Variants in GALNT15 observed in about 807,000 individuals in gnomAD.
The protein encoded by GALNT15 is UDP-GalNAc transferase T15.
A neutral mutation model predicts 66.8 loss-of-function variants in GALNT15; 67 were observed. The observed-to-expected ratio is 1.00, with a 90% CI of 0.82 to 1.23. GALNT15 has a LOEUF of 1.23. GALNT15 is among the 50% of genes most tolerant of loss of function. The probability of loss-of-function intolerance (pLI) is 0.00; values close to 1 mark genes in which losing one functional copy is unlikely to be tolerated. For missense variants in GALNT15, 827 were observed against 804.3 expected, an observed-to-expected ratio of 1.03 and a Z score of -0.34; for synonymous variants, 313 against 311.5, an observed-to-expected ratio of 1.00 and a Z score of -0.05.
chr3:16,180,866 A>G lies in GALNT15; in HGVS notation c.539+5176A>G, dbSNP rs963390456. 2.0e-5 allele frequency among the ~76,000 whole-genome samples: 3 copies of G among 152,224 alleles called. No individual in the cohort carries two copies. Among genetic ancestry groups the G allele is most frequent in the Non-Finnish European group, 4.4e-5 (3 of 68,044 alleles). On this transcript the variant is annotated intron_variant, in intron 1 of 9. Transcript: ENST00000339732. The surrounding 1 kb of genome is among the most constrained non-coding windows in gnomAD (Gnocchi z 5.0). ...GGTTTATGTACCCATAGCTGTGATT[A>G]AACAGTTGTGGACCTGTGGTTGAAT...
downstream of GALNT15, chr3:16,232,079 T>C: frequency 1.1e-6 from 1 of 921,874 alleles, no homozygotes. Context: ...CTCATTAGAT[T>C]ATCCAAAATT....
chr3:16,208,472 G>T, intron 3 of GALNT15, 31 bp from the exon 4 acceptor site: 1 of 1,609,228 alleles, frequency 6.2e-7, no homozygotes, highest in Non-Finnish European at 8.5e-7. Flanking sequence ...AATGCTTTAC[G>T]TCCCTTGTTT....
intron 3 of GALNT15, among the ~76,000 whole-genome samples, chr3:16,202,345 C>T (rs1281242945): frequency 6.6e-6 from 1 of 152,090 alleles, no homozygotes; most frequent in Non-Finnish European, 1.5e-5. Flanking sequence ...CAAAAATGCA[C>T]AAGCTGGCCA....
In GALNT15 at chr3:16,219,501, C is replaced by G; in HGVS notation, c.1491C>G (p.Tyr497Ter). Residue 497 changes from tyrosine (Y) to a stop codon, truncating the protein, a stop_gained, in exon 7 of 10, where the codon TAC becomes TAG. Transcript: ENST00000339732. LOFTEE classifies it high-confidence loss of function. The surrounding 1 kb of genome is among the most constrained non-coding windows in gnomAD (Gnocchi z 4.3). The stretch of plus-strand genomic sequence containing the variant: ...TGGCTAATGTCTACCCTGAGCTGTA[C>G]CCATCTGAACCCAGGCCCAGTTTCT... ...WFLANVYPEL[Y>*]PSEPRPSFSG... The G allele has an allele frequency of 6.2e-7, 1 of 1,614,186 alleles. No homozygotes were observed. Among genetic ancestry groups the G allele is most frequent in the East Asian group, 2.2e-5 (1 of 44,876 alleles).
intron 3 of GALNT15, among the ~76,000 whole-genome samples, chr3:16,205,528 C>T (rs1574984805): frequency 6.6e-6 from 1 of 152,186 alleles, no homozygotes; most frequent in Non-Finnish European, 1.5e-5. Context: ...TTGTACCTGC[C>T]TGAGGGTTAA....
chr3:16,235,862 T>C (rs2064122484), downstream of GALNT15, among the ~76,000 whole-genome samples: 1 of 151,792 alleles, frequency 6.6e-6, no homozygotes, highest in South Asian at 2.1e-4. Flanking sequence ...CCCAGCACTT[T>C]GGGAGGCCAA....
intron 2 of GALNT15, among the ~76,000 whole-genome samples, chr3:16,196,617 G>A (rs779321564): frequency 2.0e-5 from 3 of 152,306 alleles, no homozygotes; most frequent in South Asian, 2.1e-4. Context: ...CACCTGGTGC[G>A]ATTTTTAAAA....
Position 16,200,775 on chromosome 3 carries a change from G to T in GALNT15, c.863G>T (p.Cys288Phe). 2 of 1,611,588 alleles carry T rather than the reference G, an allele frequency of 1.2e-6. No homozygotes were observed. The highest frequency in any genetic ancestry group is 1.7e-6 in the Non-Finnish European group (2 of 1,179,106). The change falls in exon 3 of 10, where the codon TGC becomes TTC. Residue 288 changes from cysteine to phenylalanine, a missense_variant. Cys to Phe is a radical substitution (Grantham distance 205). Coordinates refer to ENST00000339732, the MANE Select transcript of GALNT15 (RefSeq NM_054110.5). The surrounding 1 kb of genome is among the most constrained non-coding windows in gnomAD (Gnocchi z 4.4). ...GTCTTCATGGATGCCCACTGCGAGT[G>T]CCACCCAGGCTGGCTGGAGCCCCTC... ...VLVFMDAHCE[C>F]HPGWLEPLLS...
intron 1 of GALNT15, among the ~76,000 whole-genome samples, chr3:16,192,027 G>C (rs1237464596): frequency 6.6e-6 from 1 of 152,112 alleles, no homozygotes; most frequent in Non-Finnish European, 1.5e-5. Context: ...TGGGCCTAAA[G>C]GGTAATTATG....
Position 16,184,208 on chromosome 3 carries a change from C to T in GALNT15, c.539+8518C>T, listed in dbSNP as rs796708949. ...GGACACTTGAGTGACACATACAAAC[C>T]GAGATAGTAAAATATTCACCGGATA... is the stretch of plus-strand genomic sequence containing the variant. On this transcript the variant is annotated intron_variant, in intron 1 of 9. Transcript: ENST00000339732. The surrounding 1 kb of genome is among the most constrained non-coding windows in gnomAD (Gnocchi z 5.0). Among the ~76,000 whole-genome samples, 67 of 152,222 alleles carry T rather than the reference C, an allele frequency of 4.4e-4. No individual in the cohort carries two copies. Among genetic ancestry groups the T allele is most frequent in the African/African-American group, 1.5e-3 (62 of 41,532 alleles).
intron 1 of GALNT15, among the ~76,000 whole-genome samples, chr3:16,194,129 C>G (rs935191228): frequency 6.6e-6 from 1 of 152,182 alleles, no homozygotes; most frequent in South Asian, 2.1e-4. Flanking sequence ...GCAATGTGAG[C>G]TTTGATGTCT....
rs2063552103 is a variant in GALNT15, at chr3:16,189,466, C to G, written c.540-6294C>G. Among the ~76,000 whole-genome samples the G allele has an allele frequency of 6.6e-6, 1 of 152,216 alleles. No homozygotes were observed. Among genetic ancestry groups the G allele is most frequent in the African/African-American group, 2.4e-5 (1 of 41,458 alleles). ...CCAGAATACCAGCCCAGTTCCTCTG[C>G]TATGTTGAAGGACATCCTCAGAGAC... is the stretch of plus-strand genomic sequence containing the variant. On this transcript the variant is annotated intron_variant, in intron 1 of 9. Transcript: ENST00000339732. The surrounding 1 kb of genome is among the most constrained non-coding windows in gnomAD (Gnocchi z 5.1).
chr3:16,242,791 A>G, the GALNT15 span, among the ~76,000 whole-genome samples: 1 of 152,042 alleles, frequency 6.6e-6, no homozygotes, highest in African/African-American at 2.4e-5. This position sits in a 1 kb window ranked among gnomAD's most constrained non-coding sequence, Gnocchi z 5.6. Context: ...AAAAGAAAAG[A>G]AAAGAAAAGA....
At chr3:16,242,867 A>G in the GALNT15 span, among the ~76,000 whole-genome samples, 1 of 152,156 alleles carries the variant, frequency 6.6e-6, no homozygotes, top group Non-Finnish European at 1.5e-5. The surrounding 1 kb of genome is among the most constrained non-coding windows in gnomAD (Gnocchi z 5.6). Flanking sequence ...GGGTAATGTA[A>G]GTGCAGAACC....
chr3:16,229,478 A>G lies in GALNT15; in HGVS notation c.*1978A>G. On this transcript the variant is annotated 3_prime_UTR_variant, in exon 10 of 10. Transcript: ENST00000339732. ...ACAGTTCTGTTGGACCAATCTAGAT[A>G]GATTCATTATCCCATCTAGAGAAGA... 1.0e-6 allele frequency: 1 copy of G among 980,866 alleles called. No homozygotes were observed. The highest frequency in any genetic ancestry group is 1.2e-6 in the Non-Finnish European group (1 of 825,722). 60.8% of individuals were successfully genotyped at this position (980,866 alleles called of 1,614,324 possible).
At chr3:16,244,477 AC>A in the GALNT15 span, among the ~76,000 whole-genome samples, 2 of 152,238 alleles carry the variant, frequency 1.3e-5, no homozygotes, top group African/African-American at 4.8e-5. Context: ...CACCACTGCT[AC>A]ACTGATCAAT....
chr3:16,192,124 C>T (rs2063585404), intron 1 of GALNT15, among the ~76,000 whole-genome samples: 1 of 152,156 alleles, frequency 6.6e-6, no homozygotes, highest in Admixed American at 6.5e-5. Flanking sequence ...ACGGAGTGAA[C>T]ATTCAAATCT....
intron 4 of GALNT15, among the ~76,000 whole-genome samples, 154 bp downstream of exon 4, chr3:16,208,824 G>C (rs941305769): frequency 2.0e-5 from 3 of 152,176 alleles, no homozygotes; most frequent in Non-Finnish European, 4.4e-5. Context: ...AGCAATCATA[G>C]TATTTACCTA....
chr3:16,205,769 A>T (rs186249061), intron 3 of GALNT15, among the ~76,000 whole-genome samples: 1 of 152,312 alleles, frequency 6.6e-6, no homozygotes, highest in East Asian at 1.9e-4. Flanking sequence ...CTAGGCAGCC[A>T]CTGTGGTCCA....
Sources: gnomAD v4.1 joint callset for allele counts (sites outside exome capture counted in the v4.1 genomes callset) on GRCh38, gnomAD v4.1.1 for gene constraint, Gnocchi (gnomAD v3.1) non-coding constraint, MANE v1.5 for transcripts, NCBI Gene and HGNC (gene_info 2026-07-23, HGNC 2026-07-21) for gene names.